ICA1L: variants seen among roughly 807,000 people sequenced by gnomAD.
The protein encoded by ICA1L is islet cell autoantigen 1 like.
Under a neutral mutation model 61.3 loss-of-function variants are expected in ICA1L, and 50 were observed. The ratio of observed to expected loss-of-function variants is 0.82; its 90% CI spans 0.65 to 1.03. ICA1L has a LOEUF of 1.03. Among genes scored for constraint, ICA1L ranks in the 50% least tolerant of loss-of-function variants. The pLI is 0.00. For missense variants in ICA1L, 508 were observed against 556.7 expected, an observed-to-expected ratio of 0.91 and a Z score of 0.88; for synonymous variants, 161 against 191.3, an observed-to-expected ratio of 0.84 and a Z score of 1.31.
intron 9 of ICA1L, among the ~76,000 whole-genome samples, chr2:202,797,797 C>G (rs1007942535): frequency 6.6e-6 from 1 of 152,220 alleles, no homozygotes; most frequent in Non-Finnish European, 1.5e-5. Flanking sequence ...GCTGGGATTA[C>G]AGGTATGATC....
At position 202,779,270 on chromosome 2, in the gene ICA1L, T is replaced by C. The variant is rs1234307126; in HGVS notation, c.*263A>G. 5 of 347,702 alleles carry C rather than the reference T, an allele frequency of 1.4e-5. No individual in the cohort carries two copies. The highest frequency in any genetic ancestry group is 4.2e-5 in the African/African-American group (2 of 47,520). 21.5% of individuals were successfully genotyped at this position (347,702 alleles called of 1,614,324 possible). ...TGACATAAATTTCAGTATCTAAATATCGCAAACTCTGTAGTTTCTAATATT... is the reference window on the plus strand; with the variant it reads ...TGACATAAATTTCAGTATCTAAATACCGCAAACTCTGTAGTTTCTAATATT... On this transcript the variant is annotated 3_prime_UTR_variant, in exon 13 of 13. Transcript: ENST00000358299.
chr2:202,845,551 C>T (rs2004930), intron 1 of ICA1L, among the ~76,000 whole-genome samples: 61,200 of 151,316 alleles, frequency 0.4, 13,209 homozygotes, highest in Middle Eastern at 0.65. Context: ...CACTTGAACC[C>T]GGGAAGCGGA....
rs35916411 is a variant in ICA1L at position 202,811,659 on chromosome 2, C to CAAA, written c.910+84_910+86dup. 4.0e-3 allele frequency: 1,918 copies of CAAA among 482,542 alleles called. 7 individuals are homozygous for CAAA. The highest frequency in any genetic ancestry group is 7.4e-3 in the East Asian group (173 of 23,398). 29.9% of individuals were successfully genotyped at this position (482,542 alleles called of 1,614,324 possible). On this transcript the variant is annotated intron_variant, in intron 9 of 12. Transcript: ENST00000358299. ...CCTGGGGGACAGAGCAAGACTGTCT[C>CAAA]AAAAAAAAAAAAAAAAAAAAGGCTG...
chr2:202,870,637 A>G (rs1458469564), intron 1 of ICA1L: 1 of 152,230 alleles, frequency 6.6e-6, no homozygotes, highest in Non-Finnish European at 1.5e-5. Context: ...TTAAAGTAAT[A>G]TCGTCTTACA....
intron 1 of ICA1L, among the ~76,000 whole-genome samples, chr2:202,864,245 C>A (rs1189389000): frequency 1.3e-5 from 2 of 151,542 alleles, no homozygotes; most frequent in African/African-American, 4.9e-5. Context: ...TATTACAGAT[C>A]AATTTTTTTT....
intron 2 of ICA1L, among the ~76,000 whole-genome samples, chr2:202,827,713 CA>C (rs1693887909): frequency 6.6e-6 from 1 of 152,046 alleles, no homozygotes; most frequent in Admixed American, 6.6e-5. Flanking sequence ...CATACAACAC[CA>C]ATAATAATAA....
chr2:202,840,453 C>T lies in ICA1L; in HGVS notation c.-7-11437G>A, dbSNP rs754516204. On this transcript the variant is annotated intron_variant, in intron 1 of 12. Transcript: ENST00000358299. ...AAGGAGATGGAGCCCATGCCAGAGCCAAAGCTGGAGCCGAGGCCATAGCTG... is the reference window on the plus strand; with the variant it reads ...AAGGAGATGGAGCCCATGCCAGAGCTAAAGCTGGAGCCGAGGCCATAGCTG... 161 of 498,740 alleles carry T rather than the reference C, an allele frequency of 3.2e-4. 1 individual carries two copies. Among genetic ancestry groups the T allele is most frequent in the Non-Finnish European group, 4.1e-4 (103 of 252,904 alleles). 30.9% of individuals were successfully genotyped at this position (498,740 alleles called of 1,614,324 possible). A position where few individuals can be genotyped will look rare whatever the true frequency, so the allele number is the denominator to read the frequency against.
intron 12 of ICA1L, 48 bp downstream of exon 12, chr2:202,785,870 A>C: frequency 9.6e-7 from 1 of 1,043,968 alleles, no homozygotes. Context: ...ATCTGAATTC[A>C]ACTGATTCTT....
intron 12 of ICA1L, among the ~76,000 whole-genome samples, chr2:202,782,914 A>C (rs886533727): frequency 6.6e-6 from 1 of 152,192 alleles, no homozygotes; most frequent in Non-Finnish European, 1.5e-5. Flanking sequence ...TAAAAAGAAA[A>C]GTATAACTAT....
rs1692138611 is a variant in ICA1L at position 202,774,117 on chromosome 2, T to G, written c.*5416A>C. Reference sequence around the variant, plus strand: ...ATCCCATCAATGATTGGATAAGCTATTCTCAACTCTTCATTAATCAATTCA... The same window carrying G: ...ATCCCATCAATGATTGGATAAGCTAGTCTCAACTCTTCATTAATCAATTCA... On this transcript the variant is annotated 3_prime_UTR_variant, in exon 13 of 13. Coordinates refer to ENST00000358299, the MANE Select transcript of ICA1L (RefSeq NM_001288622.3). 3 of 1,284,642 alleles carry G rather than the reference T, an allele frequency of 2.3e-6. No homozygotes were observed. In the African/African-American group the frequency reaches 4.4e-5, roughly 19 times the overall value. 79.6% of individuals were successfully genotyped at this position (1,284,642 alleles called of 1,614,324 possible). A position where few individuals can be genotyped will look rare whatever the true frequency, so the allele number is the denominator to read the frequency against.
intron 9 of ICA1L, among the ~76,000 whole-genome samples, chr2:202,799,960 C>G (rs1321700097): frequency 6.7e-6 from 1 of 149,892 alleles, no homozygotes; most frequent in Non-Finnish European, 1.5e-5. Context: ...TCACTGCATT[C>G]TCCGCCTCCC....
chr2:202,788,613 G>A (rs530681422), intron 11 of ICA1L, among the ~76,000 whole-genome samples: 1 of 152,128 alleles, frequency 6.6e-6, no homozygotes, highest in Non-Finnish European at 1.5e-5. Context: ...ATGGGGTCTG[G>A]TGAAGGTGGG....
Position 202,815,941 on chromosome 2 carries a change from G to A in ICA1L, c.753C>T (p.Gly251=). ...GAGCTACAAAATCATACGGATGAAA[G>A]CCAATACAGGCTTCATGAATTTGGG... The part of the protein sequence containing the change: ...MMSQIHEACI[G]FHPYDFVALK... The change falls in exon 7 of 13, where the codon GGC becomes GGT. Residue 251 remains glycine, a synonymous_variant. Transcript: ENST00000358299. 6.2e-7 allele frequency: 1 copy of A among 1,600,674 alleles called. No homozygotes were observed. The highest frequency in any genetic ancestry group is 8.5e-7 in the Non-Finnish European group (1 of 1,174,314).
At chr2:202,847,571 A>G (rs1050345129) in intron 1 of ICA1L, among the ~76,000 whole-genome samples, 14 of 151,980 alleles carry the variant, frequency 9.2e-5, no homozygotes, top group Non-Finnish European at 1.8e-4. Context: ...ATGGATTGTT[A>G]TAAGAATTAA....
At chr2:202,786,151 A>G in intron 11 of ICA1L, 144 bp from the exon 12 acceptor site, 1 of 517,070 alleles carries the variant, frequency 1.9e-6, no homozygotes, top group Non-Finnish European at 3.4e-6. Flanking sequence ...CTGAAAATTT[A>G]TCTATAGTCA....
Position 202,815,934 on chromosome 2 carries a change from G to T in ICA1L, c.760C>A (p.Pro254Thr), listed in dbSNP as rs1271128618. The change falls in exon 7 of 13, where the codon CCG becomes ACG. Residue 254 changes from proline to threonine, a missense_variant. Transcript: ENST00000358299. Reference sequence around the variant, plus strand: ...ACCTTGAGAGCTACAAAATCATACGGATGAAAGCCAATACAGGCTTCATGA... The same window carrying T: ...ACCTTGAGAGCTACAAAATCATACGTATGAAAGCCAATACAGGCTTCATGA... ...QIHEACIGFH[P>T]YDFVALKQLQ... The T allele has an allele frequency of 1.3e-6, 2 of 1,597,114 alleles. No homozygotes were observed. The highest frequency in any genetic ancestry group is 2.7e-5 in the African/African-American group (2 of 73,842).
In ICA1L at chr2:202,828,899, T is replaced by G; in HGVS notation, c.111A>C (p.Lys37Asn). 1.2e-6 allele frequency: 2 copies of G among 1,613,560 alleles called. No homozygotes were observed. The highest frequency in any genetic ancestry group is 1.7e-6 in the Non-Finnish European group (2 of 1,179,728). Reference protein sequence around the residue: ...KQVFIKATGKKEDEHLVASDA... With the variant: ...KQVFIKATGKNEDEHLVASDA... Reference sequence around the variant, plus strand: ...CAGACGCCACCAAGTGCTCATCCTCTTTTTTTCCTGTTGCTTTGATAAAGA... The same window carrying G: ...CAGACGCCACCAAGTGCTCATCCTCGTTTTTTCCTGTTGCTTTGATAAAGA... Residue 37 changes from lysine to asparagine, a missense_variant, in exon 2 of 13, where the codon AAA (lysine) becomes AAC (asparagine). Lys to Asn is a moderately conservative substitution (Grantham distance 94). Coordinates refer to ENST00000358299, the MANE Select transcript of ICA1L (RefSeq NM_001288622.3).
rs541408847 is a variant in ICA1L at position 202,775,810 on chromosome 2, G to C, written c.*3723C>G. The C allele has an allele frequency of 2.0e-5, 3 of 152,190 alleles. No individual in the cohort carries two copies. Among genetic ancestry groups the C allele is most frequent in the Non-Finnish European group, 4.4e-5 (3 of 68,048 alleles). 9.4% of individuals were successfully genotyped at this position (152,190 alleles called of 1,614,324 possible). A position where few individuals can be genotyped will look rare whatever the true frequency, so the allele number is the denominator to read the frequency against. ...CTGTTATATAGGCGTGAGCTACCGCGCCTGGCCTTACAAGGATATTAATTG... is the reference window on the plus strand; with the variant it reads ...CTGTTATATAGGCGTGAGCTACCGCCCCTGGCCTTACAAGGATATTAATTG... On this transcript the variant is annotated 3_prime_UTR_variant, in exon 13 of 13. Coordinates refer to ENST00000358299, the MANE Select transcript of ICA1L (RefSeq NM_001288622.3).
At chr2:202,805,417 G>A (rs1693197780) in intron 9 of ICA1L, among the ~76,000 whole-genome samples, 1 of 152,102 alleles carries the variant, frequency 6.6e-6, no homozygotes, top group East Asian at 1.9e-4. Flanking sequence ...TTAAAATTTT[G>A]AGGGAATATA....
Sources: gnomAD v4.1 joint callset for allele counts (sites outside exome capture counted in the v4.1 genomes callset) on GRCh38, gnomAD v4.1.1 for gene constraint, MANE v1.5 for transcripts, NCBI Gene and HGNC (gene_info 2026-07-23, HGNC 2026-07-21) for gene names.